The following ZSWIM9 variants were observed in gnomAD, a reference collection of about 807,000 sequenced individuals.
The protein encoded by ZSWIM9 is uncharacterized protein ZSWIM9.
In ZSWIM9, 11 loss-of-function variants were observed where a neutral mutation model predicts 25.0. That is an observed-to-expected ratio of 0.44 (90% CI 0.28 to 0.73). ZSWIM9 has a LOEUF of 0.73. ZSWIM9 is among the 30% of genes least tolerant of loss of function. ZSWIM9 has a pLI of 0.16. For synonymous variants in ZSWIM9, 562 were observed against 582.1 expected (o/e 0.97, Z 0.50); for missense variants, 1,070 against 1,296.5 (o/e 0.83, Z 2.68).
chr19:48,196,779 C>A lies in ZSWIM9; in HGVS notation c.2715C>A (p.Phe905Leu). Residue 905 changes from phenylalanine to leucine, a missense_variant, in exon 4 of 4, where the codon TTC (phenylalanine) becomes TTA (leucine). Transcript: ENST00000614654. ...GCCTCCTCACTGGGGCTGCCTTATTCCACATGGACCTGCTCAGGGATTGCT... is the reference window on the plus strand; with the variant it reads ...GCCTCCTCACTGGGGCTGCCTTATTACACATGGACCTGCTCAGGGATTGCT... ...AARLLTGAAL[F>L]HMDLLRDCWG... is the part of the protein sequence containing the mutation. 1 of 1,234,444 alleles carries A rather than the reference C, an allele frequency of 8.1e-7. No homozygotes were observed. The highest frequency in any genetic ancestry group is 1.0e-6 in the Non-Finnish European group (1 of 989,470). The allele number at this position is 1,234,444 out of a possible 1,614,324, so 76.5% of individuals were successfully genotyped here.
rs1568576767 is a variant in ZSWIM9 at position 48,182,502 on chromosome 19, C to CGCT, written c.326_328dup (p.Leu109dup). ...GCCTTCATCATCGTCAAGCTGAGCCCGCTGCGGGACCGCCTCGTGGTGACG... is the reference window on the plus strand; with the variant it reads ...GCCTTCATCATCGTCAAGCTGAGCCCGCTGCTGCGGGACCGCCTCGTGGTGACG... On this transcript the variant is annotated inframe_insertion, in exon 3 of 4. Transcript: ENST00000614654. This position sits in a 1 kb window ranked among gnomAD's most constrained non-coding sequence, Gnocchi z 4.6. The CGCT allele has an allele frequency of 1.3e-6, 2 of 1,535,598 alleles. No individual in the cohort carries two copies. The highest frequency in any genetic ancestry group is 1.7e-6 in the Non-Finnish European group (2 of 1,146,670).
In ZSWIM9 at chr19:48,195,398, AGGGGCCCGATGGCGG is replaced by A. The variant is rs774694813; in HGVS notation, c.1341_1355del (p.Asp448_Pro452del). 1.2e-5 allele frequency: 17 copies of A among 1,476,034 alleles called. No homozygotes were observed. The South Asian group carries it at 2.2e-4, about 19-fold the overall frequency. 91.4% of individuals were successfully genotyped at this position (1,476,034 alleles called of 1,614,324 possible). On this transcript the variant is annotated inframe_deletion, in exon 4 of 4. Transcript: ENST00000614654. This position sits in a 1 kb window ranked among gnomAD's most constrained non-coding sequence, Gnocchi z 5.8. ...GACGCGGCCGGGGAGGCGGTGCCCG[AGGGGCCCGATGGCGG>A]GGGGCCTTGGCTGGAGGATGAGCCA... is the stretch of plus-strand genomic sequence containing the variant.
chr19:48,176,287 G>A (rs2036892716), intron 2 of ZSWIM9, among the ~76,000 whole-genome samples: 1 of 152,064 alleles, frequency 6.6e-6, no homozygotes, highest in African/African-American at 2.4e-5. Context: ...AAAAATAGCA[G>A]GTACTATTTC....
intron 1 of ZSWIM9, among the ~76,000 whole-genome samples, chr19:48,170,983 C>T (rs1050820907): frequency 2.0e-5 from 3 of 151,950 alleles, no homozygotes; most frequent in Non-Finnish European, 4.4e-5. Context: ...GGAGGAGGGG[C>T]CCACAGCTGG....
intron 2 of ZSWIM9, among the ~76,000 whole-genome samples, chr19:48,174,459 A>C (rs2036872637): frequency 1.3e-5 from 2 of 152,254 alleles, no homozygotes; most frequent in Non-Finnish European, 2.9e-5. Flanking sequence ...ACTCTGGGCC[A>C]TTGTGCTGCT....
chr19:48,176,518 G>T (rs975184461), intron 2 of ZSWIM9, among the ~76,000 whole-genome samples: 2 of 152,056 alleles, frequency 1.3e-5, no homozygotes, highest in African/African-American at 4.8e-5. Flanking sequence ...CTAAGCCCAT[G>T]ATTTTAATTA....
At chr19:48,177,694 A>C (rs1473036914) in intron 2 of ZSWIM9, among the ~76,000 whole-genome samples, 1 of 152,166 alleles carries the variant, frequency 6.6e-6, no homozygotes, top group Non-Finnish European at 1.5e-5. Context: ...ACCTAGGCTG[A>C]AGGAAGTCAG....
chr19:48,197,134 A>C lies in ZSWIM9; in HGVS notation c.*307A>C, dbSNP rs548192589. 11 of 678,432 alleles carry C rather than the reference A, an allele frequency of 1.6e-5. No individual in the cohort carries two copies. In the African/African-American group the frequency reaches 2.0e-4, roughly 12 times the overall value. The allele number at this position is 678,432 out of a possible 1,614,324, so 42.0% of individuals were successfully genotyped here. On this transcript the variant is annotated 3_prime_UTR_variant, in exon 4 of 4. Transcript: ENST00000614654. Reference sequence around the variant, plus strand: ...GGGTCAGGCTGGGACAGAAGGAAGGAAAGGGGCAGAGCTGGGGGGAGGGGG... The same window carrying C: ...GGGTCAGGCTGGGACAGAAGGAAGGCAAGGGGCAGAGCTGGGGGGAGGGGG...
At chr19:48,185,580 C>A (rs1180361664) in intron 3 of ZSWIM9, among the ~76,000 whole-genome samples, 1 of 152,244 alleles carries the variant, frequency 6.6e-6, no homozygotes, top group African/African-American at 2.4e-5. Flanking sequence ...CTTATCACAT[C>A]CTGTCCCCCA....
chr19:48,172,067 C>T lies in ZSWIM9; in HGVS notation c.265C>T (p.Pro89Ser). ...VCKDVRAPSR[P>S]AVGPPQPGCP... ...CAAGGACGTGCGTGCGCCCAGCCGG[C>T]CCGCCGTGGGGTGCGTGAACCTGAG... The change falls in exon 2 of 4, where the codon CCC (proline) becomes TCC (serine). Residue 89 changes from proline to serine, a missense_variant. Around this residue, in one of 4 missense-constraint regions of ZSWIM9, gnomAD observed 265 missense variants for 339.0 expected, o/e 0.78. Coordinates refer to ENST00000614654, the MANE Select transcript of ZSWIM9 (RefSeq NM_199341.4). 1 of 1,520,452 alleles carries T rather than the reference C, an allele frequency of 6.6e-7. No homozygotes were observed. Among genetic ancestry groups the T allele is most frequent in the Middle Eastern group, 1.7e-4 (1 of 5,914 alleles). 94.2% of individuals were successfully genotyped at this position (1,520,452 alleles called of 1,614,324 possible).
chr19:48,193,705 A>G lies in ZSWIM9; in HGVS notation c.589-948A>G, dbSNP rs554420339. On this transcript the variant is annotated intron_variant, in intron 3 of 3. Coordinates refer to ENST00000614654, the MANE Select transcript of ZSWIM9 (RefSeq NM_199341.4). ...GGGACGTGATGTTTGAACAGAGACG[A>G]TAATTATAATGGCCACTTTCAGAAC... Among the ~76,000 whole-genome samples the G allele has an allele frequency of 3.3e-5, 5 of 152,358 alleles. No individual in the cohort carries two copies. In the East Asian group the frequency reaches 9.6e-4, roughly 29 times the overall value.
chr19:48,189,040 G>A lies in ZSWIM9; in HGVS notation c.589-5613G>A, dbSNP rs932740984. Among the ~76,000 whole-genome samples, 5 of 151,406 alleles carry A rather than the reference G, an allele frequency of 3.3e-5. No individual in the cohort carries two copies. The South Asian group carries it at 6.3e-4, about 19-fold the overall frequency. ...AGCGAGACTCCATCTCAAAAAAAAA[G>A]AATACTCCATGGGAAGCTGGTATGA... is the stretch of plus-strand genomic sequence containing the variant. On this transcript the variant is annotated intron_variant, in intron 3 of 3. Transcript: ENST00000614654.
In ZSWIM9 at chr19:48,194,323, C is replaced by G. The variant is rs1414090855; in HGVS notation, c.589-330C>G. Among the ~76,000 whole-genome samples the G allele has an allele frequency of 6.6e-6, 1 of 152,126 alleles. No individual in the cohort carries two copies. The highest frequency in any genetic ancestry group is 2.4e-5 in the African/African-American group (1 of 41,438). ...GGCCCACATTTTGAGACCCACTGCCCTAGACTGCCTCTCAGCACACGGAGG... is the reference window on the plus strand; with the variant it reads ...GGCCCACATTTTGAGACCCACTGCCGTAGACTGCCTCTCAGCACACGGAGG... On this transcript the variant is annotated intron_variant, in intron 3 of 3. Transcript: ENST00000614654. This position sits in a 1 kb window ranked among gnomAD's most constrained non-coding sequence, Gnocchi z 6.0.
chr19:48,187,148 G>C (rs1404913437), intron 3 of ZSWIM9, among the ~76,000 whole-genome samples: 1 of 148,586 alleles, frequency 6.7e-6, no homozygotes, highest in East Asian at 2.0e-4. Flanking sequence ...AGCATGTCCA[G>C]CTGCTTTCCA....
chr19:48,179,016 C>T (rs931631223), intron 2 of ZSWIM9, among the ~76,000 whole-genome samples: 5 of 152,170 alleles, frequency 3.3e-5, no homozygotes, highest in African/African-American at 1.2e-4. Flanking sequence ...TGTTTGACAG[C>T]TCCTGCTGTA....
chr19:48,171,050 G>T (rs980718725), intron 1 of ZSWIM9, among the ~76,000 whole-genome samples: 1 of 152,162 alleles, frequency 6.6e-6, no homozygotes, highest in Non-Finnish European at 1.5e-5. Flanking sequence ...TGACACTTCC[G>T]AGGAGAACTA....
chr19:48,173,955 C>T (rs1285276853), intron 2 of ZSWIM9, among the ~76,000 whole-genome samples: 1 of 152,108 alleles, frequency 6.6e-6, no homozygotes, highest in Non-Finnish European at 1.5e-5. Flanking sequence ...AGGGGTTGTT[C>T]CCCACACAGT....
rs1233497237 is a variant in ZSWIM9, at chr19:48,194,952, C to G, written c.888C>G (p.Pro296=). ...GCGTGCGCTGCCTCACCGCCGGGCC[C>G]GAGGTGGCGGCGCAGTTGCCTGCAG... ...KGRVRCLTAG[P]EVAAQLPAVR... The change falls in exon 4 of 4, where the codon CCC becomes CCG. Residue 296 remains proline (P), a synonymous_variant. Coordinates refer to ENST00000614654, the MANE Select transcript of ZSWIM9 (RefSeq NM_199341.4). This position sits in a 1 kb window ranked among gnomAD's most constrained non-coding sequence, Gnocchi z 6.0. The G allele has an allele frequency of 3.8e-6, 5 of 1,325,714 alleles. No individual in the cohort carries two copies. The highest frequency in any genetic ancestry group is 2.8e-4 in the Middle Eastern group (1 of 3,536). The allele number at this position is 1,325,714 out of a possible 1,614,324, so 82.1% of individuals were successfully genotyped here. A position where few individuals can be genotyped will look rare whatever the true frequency, so the allele number is the denominator to read the frequency against.
Position 48,196,845 on chromosome 19 carries a change from C to A in ZSWIM9, c.*18C>A, listed in dbSNP as rs2037173547. 1 of 1,246,110 alleles carries A rather than the reference C, an allele frequency of 8.0e-7. No individual in the cohort carries two copies. Among genetic ancestry groups the A allele is most frequent in the African/African-American group, 1.5e-5 (1 of 64,844 alleles). The allele number at this position is 1,246,110 out of a possible 1,614,324, so 77.2% of individuals were successfully genotyped here. On this transcript the variant is annotated 3_prime_UTR_variant, in exon 4 of 4. Coordinates refer to ENST00000614654, the MANE Select transcript of ZSWIM9 (RefSeq NM_199341.4). The stretch of plus-strand genomic sequence containing the variant: ...AGCCCTGACCCTTCATGCCTCTGCC[C>A]ACCACCCTCCACCAGGAGGGTCGGA...
Sources: gnomAD v4.1 joint callset for allele counts (sites outside exome capture counted in the v4.1 genomes callset) on GRCh38, gnomAD v4.1.1 for gene constraint, gnomAD v4.1.1 regional missense constraint, Gnocchi (gnomAD v3.1) non-coding constraint, MANE v1.5 for transcripts, NCBI Gene and HGNC (gene_info 2026-07-23, HGNC 2026-07-21) for gene names.